Variants in XIRP2 observed in about 807,000 individuals in gnomAD.
XIRP2 encodes the protein xin actin binding repeat containing 2, also known as xin actin-binding repeat-containing protein 2.
XIRP2 carries 236 observed loss-of-function variants against 277.0 expected under a neutral mutation model. That is an observed-to-expected ratio of 0.85 (90% CI 0.77 to 0.95). The LOEUF (loss-of-function observed/expected upper bound fraction) is 0.95. XIRP2 is among the 40% of genes least tolerant of loss of function. The probability of loss-of-function intolerance (pLI) is 0.00; values close to 1 mark genes in which losing one functional copy is unlikely to be tolerated. For missense variants in XIRP2, 4,640 were observed against 4,157.5 expected, an observed-to-expected ratio of 1.12 and a Z score of -3.19; for synonymous variants, 1,490 against 1,416.5, an observed-to-expected ratio of 1.05 and a Z score of -1.17.
chr2:166,957,235 T>G (rs1191562724), intron 2 of XIRP2, among the ~76,000 whole-genome samples: 1 of 151,746 alleles, frequency 6.6e-6, no homozygotes, highest in Non-Finnish European at 1.5e-5. Flanking sequence ...GAAGAATCAT[T>G]CCTTATTAAA....
Position 166,904,859 on chromosome 2 carries a change from A to G in XIRP2, c.408+969A>G, listed in dbSNP as rs186834626. ...TACACAGTCGTATTCTTGTTAATGG[A>G]TAATTAGCCTTCATAGAAGCCATCA... On this transcript the variant is annotated intron_variant, in intron 2 of 10. Coordinates refer to ENST00000409195, the MANE Select transcript of XIRP2 (RefSeq NM_152381.6). Among the ~76,000 whole-genome samples the G allele has an allele frequency of 1.9e-3, 294 of 152,182 alleles. 1 individual carries two copies. Among genetic ancestry groups the G allele is most frequent in the African/African-American group, 6.7e-3 (277 of 41,546 alleles).
intron 1 of XIRP2, among the ~76,000 whole-genome samples, chr2:166,902,319 A>G (rs1294599926): frequency 1.3e-5 from 2 of 152,112 alleles, no homozygotes; most frequent in African/African-American, 2.4e-5. Flanking sequence ...GTATATATAC[A>G]TTTATTAATC....
chr2:167,002,558 T>C (rs1687400861), intron 2 of XIRP2, among the ~76,000 whole-genome samples: 1 of 152,010 alleles, frequency 6.6e-6, no homozygotes, highest in Admixed American at 6.6e-5. Flanking sequence ...TGTCTTAAGG[T>C]ACAACTCAAG....
In XIRP2 at chr2:167,249,204, A is replaced by G. The variant is rs1203285361; in HGVS notation, c.7812A>G (p.Glu2604=). ...TTTCCCTATCTGGAATTGATTCAGAATGCACTGTGGTTCAACCCAGCCCAG... is the reference window on the plus strand; with the variant it reads ...TTTCCCTATCTGGAATTGATTCAGAGTGCACTGTGGTTCAACCCAGCCCAG... The part of the protein sequence containing the change: ...EEVSLSGIDS[E]CTVVQPSPGS... The change falls in exon 9 of 11, where the codon GAA becomes GAG. Residue 2604 remains glutamate, a synonymous_variant. Coordinates refer to ENST00000409195, the MANE Select transcript of XIRP2 (RefSeq NM_152381.6). The G allele has an allele frequency of 6.2e-7, 1 of 1,613,714 alleles. No homozygotes were observed. The highest frequency in any genetic ancestry group is 1.7e-5 in the Admixed American group (1 of 59,974).
chr2:167,088,854 C>A lies in XIRP2; in HGVS notation c.409-47055C>A, dbSNP rs187612066. ...TTTTCTCAGAAAAGCATTCACTATG[C>A]CCCAAGATAGATCACATTTTCATAG... is the stretch of plus-strand genomic sequence containing the variant. On this transcript the variant is annotated intron_variant, in intron 2 of 10. Transcript: ENST00000409195. 3.9e-5 allele frequency among the ~76,000 whole-genome samples: 6 copies of A among 152,228 alleles called. No individual in the cohort carries two copies. In the East Asian group the frequency reaches 9.6e-4, roughly 24 times the overall value.
intron 3 of XIRP2, among the ~76,000 whole-genome samples, chr2:167,164,715 T>A (rs563596918): frequency 6.6e-6 from 1 of 152,128 alleles, no homozygotes; most frequent in Non-Finnish European, 1.5e-5. Context: ...CCTTTTAGAT[T>A]TTTAATGGAC....
At position 167,024,864 on chromosome 2, in the gene XIRP2, T is replaced by C. The variant is rs373283972; in HGVS notation, c.409-111045T>C. Reference sequence around the variant, plus strand: ...TGCTGGATTTGGTTTGCCAGTATTTTATTGAGGATTTTTGCATCAATGTTC... The same window carrying C: ...TGCTGGATTTGGTTTGCCAGTATTTCATTGAGGATTTTTGCATCAATGTTC... On this transcript the variant is annotated intron_variant, in intron 2 of 10. Coordinates refer to ENST00000409195, the MANE Select transcript of XIRP2 (RefSeq NM_152381.6). Among the ~76,000 whole-genome samples the C allele has an allele frequency of 3.2e-3, 487 of 152,330 alleles. 4 individuals are homozygous for C. The highest frequency in any genetic ancestry group is 0.011 in the African/African-American group (461 of 41,576).
chr2:167,090,296 A>G (rs1690103048), intron 2 of XIRP2, among the ~76,000 whole-genome samples: 1 of 152,114 alleles, frequency 6.6e-6, no homozygotes, highest in South Asian at 2.1e-4. Flanking sequence ...CTCACAACTG[A>G]TACGTGATTG....
chr2:167,246,404 G>C lies in XIRP2; in HGVS notation c.5012G>C (p.Arg1671Thr). Reference sequence around the variant, plus strand: ...ATAAAAAACCTGTTCTCTGAGGAAAGATCTGTAAAGAAAGGCATCTTAATT... The same window carrying C: ...ATAAAAAACCTGTTCTCTGAGGAAACATCTGTAAAGAAAGGCATCTTAATT... Reference protein sequence around the residue: ...QAIKNLFSEERSVKKGILIQE... With the variant: ...QAIKNLFSEETSVKKGILIQE... The change falls in exon 9 of 11, where the codon AGA becomes ACA. Residue 1671 changes from arginine to threonine, a missense_variant. Coordinates refer to ENST00000409195, the MANE Select transcript of XIRP2 (RefSeq NM_152381.6). 3 of 1,613,638 alleles carry C rather than the reference G, an allele frequency of 1.9e-6. No individual in the cohort carries two copies. Among genetic ancestry groups the C allele is most frequent in the Non-Finnish European group, 2.5e-6 (3 of 1,179,772 alleles).
chr2:167,070,067 CA>C (rs1490504628), intron 2 of XIRP2, among the ~76,000 whole-genome samples: 1 of 152,070 alleles, frequency 6.6e-6, no homozygotes, highest in Non-Finnish European at 1.5e-5. Flanking sequence ...GACCCAGTCC[CA>C]ACTTGCTGAA....
intron 3 of XIRP2, among the ~76,000 whole-genome samples, chr2:167,196,411 T>TC (rs1559016176): frequency 6.2e-5 from 7 of 112,028 alleles, no homozygotes; most frequent in Admixed American, 2.0e-4. Context: ...TGTCAAGAAT[T>TC]TTGTGTGTGT....
chr2:167,026,276 A>G (rs1278539807), intron 2 of XIRP2, among the ~76,000 whole-genome samples: 1 of 151,596 alleles, frequency 6.6e-6, no homozygotes, highest in East Asian at 1.9e-4. Flanking sequence ...TAGGATTGCA[A>G]CCCCTGCCTT....
At chr2:167,095,856 T>TTTC (rs1690297473) in intron 2 of XIRP2, among the ~76,000 whole-genome samples, 2 of 52,480 alleles carry the variant, frequency 3.8e-5, no homozygotes, top group Non-Finnish European at 6.3e-5. Context: ...TCACTCTTTT[T>TTTC]TTTTTTTTTT....
chr2:167,086,009 C>T (rs1450175124), intron 2 of XIRP2, among the ~76,000 whole-genome samples: 1 of 151,408 alleles, frequency 6.6e-6, no homozygotes, highest in Non-Finnish European at 1.5e-5. Context: ...TTATTTTGCT[C>T]GTTAGTTGAT....
At chr2:166,961,928 G>T (rs1210166950) in intron 2 of XIRP2, among the ~76,000 whole-genome samples, 1 of 151,612 alleles carries the variant, frequency 6.6e-6, no homozygotes, top group Non-Finnish European at 1.5e-5. Context: ...AGCTAAGGAT[G>T]AATTAAGCAT....
At chr2:167,069,140 A>G (rs1280946761) in intron 2 of XIRP2, among the ~76,000 whole-genome samples, 1 of 152,166 alleles carries the variant, frequency 6.6e-6, no homozygotes, top group African/African-American at 2.4e-5. Flanking sequence ...AATCACCTCT[A>G]GATTAGTTAT....
chr2:166,931,301 G>A lies in XIRP2; in HGVS notation c.408+27411G>A, dbSNP rs146188717. Among the ~76,000 whole-genome samples the A allele has an allele frequency of 2.8e-4, 42 of 152,242 alleles. No individual in the cohort carries two copies. The East Asian group carries it at 7.9e-3, about 29-fold the overall frequency. On this transcript the variant is annotated intron_variant, in intron 2 of 10. Coordinates refer to ENST00000409195, the MANE Select transcript of XIRP2 (RefSeq NM_152381.6). ...GAAGTGGTTAATTTGCATACAGTGAGATGTACACATTTCATGTGTGCAGCT... is the reference window on the plus strand; with the variant it reads ...GAAGTGGTTAATTTGCATACAGTGAAATGTACACATTTCATGTGTGCAGCT...
chr2:166,949,057 C>T (rs1240643186), intron 2 of XIRP2, among the ~76,000 whole-genome samples: 1 of 151,646 alleles, frequency 6.6e-6, no homozygotes, highest in African/African-American at 2.4e-5. Flanking sequence ...TGTAAAACAC[C>T]CAGGCCTTTG....
chr2:166,948,973 A>T (rs956437816), intron 2 of XIRP2, among the ~76,000 whole-genome samples: 1 of 151,932 alleles, frequency 6.6e-6, no homozygotes. Flanking sequence ...TCCTACCAGT[A>T]CTCCACCCTA....
Sources: gnomAD v4.1 joint callset for allele counts (sites outside exome capture counted in the v4.1 genomes callset) on GRCh38, gnomAD v4.1.1 for gene constraint, MANE v1.5 for transcripts, NCBI Gene and HGNC (gene_info 2026-07-23, HGNC 2026-07-21) for gene names.